Variants in TTLL11 observed in about 807,000 individuals in gnomAD.
TTLL11 encodes the protein tubulin tyrosine ligase like 11, also known as tubulin polyglutamylase TTLL11.
A neutral mutation model predicts 51.7 loss-of-function variants in TTLL11; 42 were observed. That is an observed-to-expected ratio of 0.81 (90% confidence interval 0.64 to 1.05). The LOEUF is 1.05. Ranked by LOEUF, TTLL11 falls within the 50% of genes least tolerant of loss-of-function variation. The pLI is 0.00. For missense variants in TTLL11, 799 were observed against 940.4 expected (o/e 0.85, Z 1.97); for synonymous variants, 381 against 383.5 (o/e 0.99, Z 0.08).
rs768647040 is a variant in TTLL11, at chr9:121,989,468, G to T, written c.996C>A (p.Pro332=). 6.2e-7 allele frequency: 1 copy of T among 1,614,052 alleles called. No homozygotes were observed. Among genetic ancestry groups the T allele is most frequent in the African/African-American group, 1.3e-5 (1 of 74,928 alleles). The part of the protein sequence containing the change: ...FCTEPYQEPT[P]KNLHRIFMHL... ...GCATAAAGATGCGGTGCAGGTTTTT[G>T]GGGGTGGGCTCCTGATATGGCTCGG... The change falls in exon 4 of 9, where the codon CCC becomes CCA. Residue 332 remains proline, a synonymous_variant. Coordinates refer to ENST00000321582, the MANE Select transcript of TTLL11 (RefSeq NM_001139442.2). The surrounding 1 kb of genome is among the most constrained non-coding windows in gnomAD (Gnocchi z 4.2).
intron 1 of TTLL11, among the ~76,000 whole-genome samples, chr9:122,058,223 C>A (rs1845344358): frequency 6.6e-6 from 1 of 152,178 alleles, no homozygotes; most frequent in Non-Finnish European, 1.5e-5. Context: ...ACTGCTGGTG[C>A]CTAGCCCAGT....
chr9:121,947,440 C>A (rs766677915), intron 6 of TTLL11, among the ~76,000 whole-genome samples: 2 of 152,274 alleles, frequency 1.3e-5, no homozygotes, highest in African/African-American at 2.4e-5. Flanking sequence ...ATTGAAAGAG[C>A]TTTTTGAGTT....
chr9:122,025,494 G>A (rs1272062492), intron 3 of TTLL11, among the ~76,000 whole-genome samples: 5 of 152,188 alleles, frequency 3.3e-5, no homozygotes, highest in Admixed American at 6.5e-5. Flanking sequence ...TTAGCCAGGT[G>A]TGGTGGCCTG....
intron 6 of TTLL11, among the ~76,000 whole-genome samples, chr9:121,877,145 G>A (rs1191117486): frequency 6.6e-6 from 1 of 152,258 alleles, no homozygotes; most frequent in Non-Finnish European, 1.5e-5. Context: ...CGTCCCTGCT[G>A]TTCGGCCAAG....
In TTLL11 at chr9:122,061,648, C is replaced by CT. The variant is rs368710865; in HGVS notation, c.463-22281dup. Among the ~76,000 whole-genome samples the CT allele has an allele frequency of 7.3e-3, 1,100 of 150,394 alleles. 14 individuals are homozygous for CT. The highest frequency in any genetic ancestry group is 0.026 in the African/African-American group (1,059 of 41,028). ...ATGTTTTTTTTTCTTTTTTTGTTTT[C>CT]TTTTTTTGAGATGGAGTCTCACTCC... On this transcript the variant is annotated intron_variant, in intron 1 of 8. Coordinates refer to ENST00000321582, the MANE Select transcript of TTLL11 (RefSeq NM_001139442.2).
At chr9:122,070,495 C>A (rs1845699506) in intron 1 of TTLL11, among the ~76,000 whole-genome samples, 1 of 150,542 alleles carries the variant, frequency 6.6e-6, no homozygotes, top group Admixed American at 6.6e-5. Context: ...CCCCTCGGCC[C>A]CTGCAGACAA....
chr9:122,043,242 A>G (rs561819275), intron 1 of TTLL11, among the ~76,000 whole-genome samples: 6 of 152,210 alleles, frequency 3.9e-5, no homozygotes, highest in Non-Finnish European at 8.8e-5. Flanking sequence ...TGCTTTAAAA[A>G]TGAAAATAAA....
At chr9:122,041,424 G>A (rs1043373968) in intron 1 of TTLL11, among the ~76,000 whole-genome samples, 2 of 152,116 alleles carry the variant, frequency 1.3e-5, no homozygotes, top group African/African-American at 4.8e-5. Context: ...ATAAATTCTA[G>A]CCAGAATAGG....
intron 3 of TTLL11, among the ~76,000 whole-genome samples, chr9:121,999,755 C>T (rs373357548): frequency 6.6e-6 from 1 of 152,194 alleles, no homozygotes; most frequent in South Asian, 2.1e-4. Flanking sequence ...TGCGCGTGCA[C>T]ACATTTGCAT....
chr9:121,922,473 G>C (rs1197866688), intron 6 of TTLL11, among the ~76,000 whole-genome samples: 8 of 152,194 alleles, frequency 5.3e-5, no homozygotes, highest in African/African-American at 4.8e-5. Context: ...TAACTACCTT[G>C]AGAGCAAGCT....
At chr9:122,065,148 C>T (rs1845544813) in intron 1 of TTLL11, among the ~76,000 whole-genome samples, 1 of 152,144 alleles carries the variant, frequency 6.6e-6, no homozygotes, top group African/African-American at 2.4e-5. Flanking sequence ...TAACAAATGC[C>T]CCAGGTGATT....
At chr9:121,825,979 T>C (rs1479753704) in intron 8 of TTLL11, among the ~76,000 whole-genome samples, 1 of 151,370 alleles carries the variant, frequency 6.6e-6, no homozygotes, top group African/African-American at 2.4e-5. Context: ...TGGATGCAAT[T>C]TAAACATCTG....
At chr9:121,906,966 A>G (rs1588115291) in intron 6 of TTLL11, among the ~76,000 whole-genome samples, 1 of 152,052 alleles carries the variant, frequency 6.6e-6, no homozygotes, top group South Asian at 2.1e-4. Flanking sequence ...CCAGATTTCA[A>G]ACAGCTGACC....
At chr9:121,953,262 G>C (rs775026736) in intron 6 of TTLL11, among the ~76,000 whole-genome samples, 12 of 152,138 alleles carry the variant, frequency 7.9e-5, no homozygotes, top group Admixed American at 2.0e-4. Context: ...AAGAAGCCAT[G>C]CTCCACCAAT....
At chr9:122,075,597 T>C (rs1251710154) in intron 1 of TTLL11, among the ~76,000 whole-genome samples, 2 of 152,210 alleles carry the variant, frequency 1.3e-5, no homozygotes, top group Non-Finnish European at 2.9e-5. Flanking sequence ...TTCATAGCTG[T>C]AATATATCAT....
intron 8 of TTLL11, among the ~76,000 whole-genome samples, chr9:121,850,827 C>T (rs1477766429): frequency 1.3e-5 from 2 of 152,282 alleles, no homozygotes; most frequent in Non-Finnish European, 2.9e-5. Context: ...TACAATCCAA[C>T]CATCACGTCC....
At chr9:121,917,567 AAG>A (rs1840381324) in intron 6 of TTLL11, among the ~76,000 whole-genome samples, 1 of 149,018 alleles carries the variant, frequency 6.7e-6, no homozygotes, top group South Asian at 2.2e-4. Context: ...GAAAGAAAGA[AAG>A]AAAGAAAGGA....
chr9:121,845,282 C>A (rs1457194924), intron 8 of TTLL11, among the ~76,000 whole-genome samples: 1 of 151,894 alleles, frequency 6.6e-6, no homozygotes, highest in East Asian at 1.9e-4. Flanking sequence ...AAAAAGAAAC[C>A]CCACCAACCT....
rs60445623 is a variant in TTLL11, at chr9:122,005,139, T to C, written c.694-15369A>G. On this transcript the variant is annotated intron_variant, in intron 3 of 8. Transcript: ENST00000321582. ...CAGTCCTGTCATGTGACAAAGTACC[T>C]TGAGAAATAGTAAATTGCCCGTTTC... is the stretch of plus-strand genomic sequence containing the variant. Among the ~76,000 whole-genome samples the C allele has an allele frequency of 3.1e-3, 472 of 152,282 alleles. 5 individuals carry two copies. The highest frequency in any genetic ancestry group is 0.011 in the African/African-American group (457 of 41,556).
Sources: allele counts gnomAD v4.1 joint callset (sites outside exome capture counted in the v4.1 genomes callset), GRCh38; gene constraint gnomAD v4.1.1; non-coding constraint Gnocchi (gnomAD v3.1); transcripts MANE v1.5; gene names NCBI Gene and HGNC (gene_info 2026-07-23, HGNC 2026-07-21).